The following HS6ST3 variants were observed in gnomAD, a reference collection of about 807,000 sequenced individuals.
HS6ST3 encodes heparan sulfate 6-O-sulfotransferase 3, also known as heparan-sulfate 6-O-sulfotransferase 3.
In HS6ST3, 12 loss-of-function variants were observed where a neutral mutation model predicts 36.7. That is an observed-to-expected ratio of 0.33 (90% CI 0.21 to 0.53). The LOEUF (loss-of-function observed/expected upper bound fraction) is 0.53, where lower values mean the gene tolerates loss of function less well. HS6ST3 is among the 20% of genes least tolerant of loss of function. The pLI, the probability that HS6ST3 is intolerant of heterozygous loss-of-function variation, is 0.95. For synonymous variants in HS6ST3, 240 were observed against 257.5 expected (o/e 0.93, Z 0.65); for missense variants, 584 against 640.9 (o/e 0.91, Z 0.96).
At chr13:96,519,534 G>A (rs972629016) in intron 1 of HS6ST3, among the ~76,000 whole-genome samples, 1 of 152,178 alleles carries the variant, frequency 6.6e-6, no homozygotes, top group African/African-American at 2.4e-5. Context: ...CAATAGGGCT[G>A]GAAGTGAGCT....
chr13:96,626,843 A>T (rs61541976), intron 1 of HS6ST3, among the ~76,000 whole-genome samples: 3,122 of 151,566 alleles, frequency 0.021, 99 homozygotes, highest in African/African-American at 0.065. Context: ...ATTTTTTTTA[A>T]AAAAATACAT....
At chr13:96,366,923 G>T (rs781154451) in intron 1 of HS6ST3, among the ~76,000 whole-genome samples, 19 of 152,174 alleles carry the variant, frequency 1.2e-4, no homozygotes, top group Non-Finnish European at 1.9e-4. Flanking sequence ...CCCTGCATAT[G>T]CTCTCTTGCC....
intron 1 of HS6ST3, among the ~76,000 whole-genome samples, chr13:96,670,101 C>T (rs549367189): frequency 2.1e-4 from 32 of 152,064 alleles, no homozygotes; most frequent in Middle Eastern, 3.4e-3. Flanking sequence ...AAAAGAGGGA[C>T]AACTCAGTAA....
intron 1 of HS6ST3, among the ~76,000 whole-genome samples, chr13:96,294,200 G>A (rs2054843582): frequency 6.6e-6 from 1 of 152,046 alleles, no homozygotes; most frequent in African/African-American, 2.4e-5. Flanking sequence ...ATTTAAGTGT[G>A]AATGGTTATT....
chr13:96,423,759 C>G (rs1304508733), intron 1 of HS6ST3, among the ~76,000 whole-genome samples: 1 of 152,018 alleles, frequency 6.6e-6, no homozygotes, highest in African/African-American at 2.4e-5. Context: ...GGTACACTTC[C>G]TCTAACGTAG....
At chr13:96,800,965 C>T (rs1489659529) in intron 1 of HS6ST3, among the ~76,000 whole-genome samples, 1 of 152,068 alleles carries the variant, frequency 6.6e-6, no homozygotes, top group Non-Finnish European at 1.5e-5. Context: ...GCCATTGTCC[C>T]CAATTTCTCA....
At chr13:96,735,528 A>T (rs906571953) in intron 1 of HS6ST3, among the ~76,000 whole-genome samples, 1 of 152,206 alleles carries the variant, frequency 6.6e-6, no homozygotes. Flanking sequence ...GGATATTGGT[A>T]TATTGGATCA....
chr13:96,375,124 C>T (rs551267294), intron 1 of HS6ST3, among the ~76,000 whole-genome samples: 1 of 152,220 alleles, frequency 6.6e-6, no homozygotes, highest in South Asian at 2.1e-4. Flanking sequence ...TTGCTCTTCC[C>T]TCTGCTCAGC....
intron 1 of HS6ST3, among the ~76,000 whole-genome samples, chr13:96,127,081 G>A (rs2053955735): frequency 6.6e-6 from 1 of 152,130 alleles, no homozygotes; most frequent in Non-Finnish European, 1.5e-5. Context: ...TTTCATACCT[G>A]TAATGGACTG....
intron 1 of HS6ST3, among the ~76,000 whole-genome samples, chr13:96,496,584 C>A (rs535829186): frequency 6.6e-6 from 1 of 152,202 alleles, no homozygotes; most frequent in East Asian, 1.9e-4. Context: ...CCTGCTCGCA[C>A]CTTTCTACAC....
intron 1 of HS6ST3, among the ~76,000 whole-genome samples, chr13:96,760,288 T>A (rs946263290): frequency 6.6e-6 from 1 of 152,046 alleles, no homozygotes; most frequent in Non-Finnish European, 1.5e-5. Context: ...TTTATCTTCT[T>A]TTGATTATAA....
chr13:96,756,115 A>G (rs1427345957), intron 1 of HS6ST3, among the ~76,000 whole-genome samples: 2 of 152,178 alleles, frequency 1.3e-5, no homozygotes, highest in East Asian at 1.9e-4. Flanking sequence ...CCATGTGTAT[A>G]TATCTTCTCT....
intron 1 of HS6ST3, among the ~76,000 whole-genome samples, chr13:96,337,248 A>G (rs149170423): frequency 6.6e-6 from 1 of 152,168 alleles, no homozygotes; most frequent in East Asian, 1.9e-4. Context: ...TTGTATTTTT[A>G]GTAGAGACGT....
rs117213724 is a variant in HS6ST3 at position 96,669,120 on chromosome 13, C to A, written c.708-163370C>A. On this transcript the variant is annotated intron_variant, in intron 1 of 1. Coordinates refer to ENST00000376705, the MANE Select transcript of HS6ST3 (RefSeq NM_153456.4). Reference sequence around the variant, plus strand: ...GACCTAAAAGGAAACTTGAAGGGCACTGTGTATTCAAATAAAATAAAATAA... The same window carrying A: ...GACCTAAAAGGAAACTTGAAGGGCAATGTGTATTCAAATAAAATAAAATAA... Among the ~76,000 whole-genome samples, 28 of 152,204 alleles carry A rather than the reference C, an allele frequency of 1.8e-4. No homozygotes were observed. The East Asian group carries it at 5.2e-3, about 28-fold the overall frequency.
In HS6ST3 at chr13:96,173,709, A is replaced by G. The variant is rs1280276122; in HGVS notation, c.707+82140A>G. Among the ~76,000 whole-genome samples the G allele has an allele frequency of 2.7e-5, 4 of 150,588 alleles. 1 individual carries two copies. Among genetic ancestry groups the G allele is most frequent in the Admixed American group, 2.0e-4 (3 of 15,130 alleles). On this transcript the variant is annotated intron_variant, in intron 1 of 1. Transcript: ENST00000376705. Reference sequence around the variant, plus strand: ...AAAAAAAAAATGGAGTCCAGAGGATAGTAATATTTACTTAGTTCAAGAAAG... The same window carrying G: ...AAAAAAAAAATGGAGTCCAGAGGATGGTAATATTTACTTAGTTCAAGAAAG...
chr13:96,715,364 T>G (rs1875670242), intron 1 of HS6ST3, among the ~76,000 whole-genome samples: 1 of 152,106 alleles, frequency 6.6e-6, no homozygotes, highest in Admixed American at 6.5e-5. Flanking sequence ...CATTTGGTTC[T>G]TTAATTATGT....
intron 1 of HS6ST3, among the ~76,000 whole-genome samples, chr13:96,264,191 C>T (rs2054679966): frequency 6.6e-6 from 1 of 152,100 alleles, no homozygotes; most frequent in African/African-American, 2.4e-5. Flanking sequence ...GCAAAGAATG[C>T]TGCGAATGCA....
intron 1 of HS6ST3, among the ~76,000 whole-genome samples, chr13:96,733,748 C>T (rs569370243): frequency 6.6e-5 from 10 of 152,222 alleles, no homozygotes; most frequent in Admixed American, 3.9e-4. Context: ...CTTGGCATAC[C>T]GTGAGCTCTG....
intron 1 of HS6ST3, among the ~76,000 whole-genome samples, chr13:96,339,749 G>T (rs1211470972): frequency 6.6e-6 from 1 of 152,158 alleles, no homozygotes. Flanking sequence ...GAGTAACAGT[G>T]GGTTACTATC....
Sources: gnomAD v4.1 joint callset for allele counts (sites outside exome capture counted in the v4.1 genomes callset) on GRCh38, gnomAD v4.1.1 for gene constraint, MANE v1.5 for transcripts, NCBI Gene and HGNC (gene_info 2026-07-23, HGNC 2026-07-21) for gene names.